Variants in PDE3A observed in about 807,000 individuals in gnomAD.
The protein encoded by PDE3A is phosphodiesterase 3A.
PDE3A carries 43 observed loss-of-function variants against 98.3 expected under a neutral mutation model. The observed-to-expected ratio is 0.44, with a 90% CI of 0.34 to 0.56. The LOEUF is 0.56. Ranked by LOEUF, PDE3A falls within the 20% of genes least tolerant of loss-of-function variation. The pLI is 0.01. For missense variants in PDE3A, 1,427 were observed against 1,440.7 expected (o/e 0.99, Z 0.15); for synonymous variants, 663 against 567.9 (o/e 1.17, Z -2.38).
intron 1 of PDE3A, among the ~76,000 whole-genome samples, chr12:20,389,550 A>G (rs1439115345): frequency 6.6e-6 from 1 of 151,870 alleles, no homozygotes; most frequent in East Asian, 1.9e-4. Context: ...CTCCTTGGAA[A>G]ACTTACACTG....
chr12:20,474,247 CTTTG>C (rs983137931), intron 1 of PDE3A, among the ~76,000 whole-genome samples: 7 of 151,988 alleles, frequency 4.6e-5, no homozygotes, highest in African/African-American at 1.7e-4. Context: ...CTTGAAATGC[CTTTG>C]TTTTTGTTCA....
intron 1 of PDE3A, among the ~76,000 whole-genome samples, chr12:20,459,797 A>G (rs1379908560): frequency 6.6e-6 from 1 of 152,212 alleles, no homozygotes; most frequent in East Asian, 1.9e-4. Context: ...CTACTCTAAT[A>G]TAAGCAGTAA....
intron 1 of PDE3A, among the ~76,000 whole-genome samples, chr12:20,375,934 A>G (rs1943564399): frequency 6.6e-6 from 1 of 151,952 alleles, no homozygotes; most frequent in Non-Finnish European, 1.5e-5. Context: ...TCTTAGTGTC[A>G]TAGGTTTTCA....
chr12:20,502,009 A>C (rs562383649), intron 1 of PDE3A, among the ~76,000 whole-genome samples: 2 of 152,170 alleles, frequency 1.3e-5, no homozygotes, highest in African/African-American at 2.4e-5. Flanking sequence ...GGGAATACGG[A>C]TAATTGTTCA....
rs138422332 is a variant in PDE3A at position 20,608,233 on chromosome 12, A to G, written c.1012-5210A>G. Among the ~76,000 whole-genome samples, 746 of 152,304 alleles carry G rather than the reference A, an allele frequency of 4.9e-3. 3 individuals carry two copies. The highest frequency in any genetic ancestry group is 0.031 in the Middle Eastern group (9 of 292). ...AAACAAATCTGATTGTTGGTTTTAA[A>G]TTGCATGCCTCATTGAAGCCTTTAG... is the stretch of plus-strand genomic sequence containing the variant. On this transcript the variant is annotated intron_variant, in intron 2 of 15. Coordinates refer to ENST00000359062, the MANE Select transcript of PDE3A (RefSeq NM_000921.5).
chr12:20,409,462 T>C (rs1416949083), intron 1 of PDE3A, among the ~76,000 whole-genome samples: 1 of 152,166 alleles, frequency 6.6e-6, no homozygotes, highest in Non-Finnish European at 1.5e-5. Context: ...TACCTACAAT[T>C]TGATACTATG....
At chr12:20,585,666 G>A (rs921928358) in intron 2 of PDE3A, among the ~76,000 whole-genome samples, 1 of 152,180 alleles carries the variant, frequency 6.6e-6, no homozygotes, top group African/African-American at 2.4e-5. Context: ...TTGTGAAAAT[G>A]TCTAGCATGC....
intron 1 of PDE3A, among the ~76,000 whole-genome samples, chr12:20,429,758 G>T: frequency 6.6e-6 from 1 of 152,056 alleles, no homozygotes; most frequent in East Asian, 1.9e-4. Context: ...ATTTTTTCTA[G>T]TTATTGTTGA....
intron 10 of PDE3A, among the ~76,000 whole-genome samples, chr12:20,641,969 G>A (rs906764034): frequency 2.6e-5 from 4 of 151,958 alleles, no homozygotes; most frequent in Admixed American, 6.6e-5. Context: ...TGCTGAGATT[G>A]TAAATTAATA....
intron 1 of PDE3A, among the ~76,000 whole-genome samples, chr12:20,463,362 C>A (rs1172196646): frequency 6.6e-6 from 1 of 152,048 alleles, no homozygotes; most frequent in African/African-American, 2.4e-5. Flanking sequence ...AAATAATTAT[C>A]TTTTCCTTTG....
chr12:20,652,561 T>C (rs894654543), intron 14 of PDE3A, among the ~76,000 whole-genome samples: 1 of 152,200 alleles, frequency 6.6e-6, no homozygotes, highest in African/African-American at 2.4e-5. Flanking sequence ...GCTGCATAAA[T>C]GTCTTCTTTT....
rs537832698 is a variant in PDE3A at position 20,684,628 on chromosome 12, A to G, written c.*4357A>G. 2.6e-5 allele frequency among the ~76,000 whole-genome samples: 4 copies of G among 152,346 alleles called. No homozygotes were observed. Among genetic ancestry groups the G allele is most frequent in the East Asian group, 1.9e-4 (1 of 5,182 alleles). ...ATTGTCCTAGGTCGTTTGTGTCTTT[A>G]TGAATTTGCTGATATTGTCAGTCCA... On this transcript the variant is annotated 3_prime_UTR_variant, in exon 16 of 16. Transcript: ENST00000359062.
chr12:20,658,348 T>G (rs1945088334), intron 15 of PDE3A, among the ~76,000 whole-genome samples: 1 of 152,182 alleles, frequency 6.6e-6, no homozygotes, highest in Non-Finnish European at 1.5e-5. Flanking sequence ...TATTTAATTC[T>G]CATTACTTAC....
At chr12:20,536,526 T>G (rs544462465) in intron 1 of PDE3A, among the ~76,000 whole-genome samples, 12 of 152,210 alleles carry the variant, frequency 7.9e-5, no homozygotes, top group Non-Finnish European at 7.4e-5. Flanking sequence ...AACAGCCACT[T>G]CTCATTTCAC....
At chr12:20,655,831 G>A (rs950958211) in intron 15 of PDE3A, among the ~76,000 whole-genome samples, 1 of 152,148 alleles carries the variant, frequency 6.6e-6, no homozygotes, top group Non-Finnish European at 1.5e-5. Flanking sequence ...TAGACATAGG[G>A]CGGTCAGTTA....
At chr12:20,466,312 T>A (rs939696368) in intron 1 of PDE3A, among the ~76,000 whole-genome samples, 6 of 152,188 alleles carry the variant, frequency 3.9e-5, no homozygotes, top group Admixed American at 1.3e-4. Flanking sequence ...AGCAAATAAT[T>A]TTTTAAAAAT....
intron 10 of PDE3A, among the ~76,000 whole-genome samples, chr12:20,643,970 C>T (rs1056432509): frequency 2.0e-5 from 3 of 152,074 alleles, no homozygotes; most frequent in Admixed American, 6.6e-5. Context: ...TTCCTTACCC[C>T]AAACAGGCTC....
rs1319479333 is a variant in PDE3A, at chr12:20,457,478, T to C, written c.960+87234T>C. On this transcript the variant is annotated intron_variant, in intron 1 of 15. Transcript: ENST00000359062. ...TAACACATAAAAATATTTGCATATATGCACAACTTAATTCCTGTGTTTTAT... is the reference window on the plus strand; with the variant it reads ...TAACACATAAAAATATTTGCATATACGCACAACTTAATTCCTGTGTTTTAT... Among the ~76,000 whole-genome samples the C allele has an allele frequency of 2.0e-5, 3 of 152,038 alleles. No individual in the cohort carries two copies. The East Asian group carries it at 5.8e-4, about 29-fold the overall frequency.
At chr12:20,457,069 A>G (rs1027103013) in intron 1 of PDE3A, among the ~76,000 whole-genome samples, 3 of 136,838 alleles carry the variant, frequency 2.2e-5, no homozygotes, top group African/African-American at 5.0e-5. Context: ...CCAACAAAAA[A>G]CAAAAACCAC....
Sources: gnomAD v4.1 joint callset for allele counts (sites outside exome capture counted in the v4.1 genomes callset) on GRCh38, gnomAD v4.1.1 for gene constraint, MANE v1.5 for transcripts, NCBI Gene and HGNC (gene_info 2026-07-23, HGNC 2026-07-21) for gene names.